Variants in DYM observed in about 807,000 individuals in gnomAD.
DYM encodes dyggve-Melchior-Clausen syndrome protein.
A neutral mutation model predicts 93.1 loss-of-function variants in DYM; 78 were observed. That is an observed-to-expected ratio of 0.84 (90% CI 0.70 to 1.01). The LOEUF (loss-of-function observed/expected upper bound fraction) is 1.01, where lower values mean the gene tolerates loss of function less well. Ranked by LOEUF, DYM falls within the 50% of genes least tolerant of loss-of-function variation. The probability of loss-of-function intolerance (pLI) is 0.00; values close to 1 mark genes in which losing one functional copy is unlikely to be tolerated. For synonymous variants in DYM, 321 were observed against 319.7 expected, an observed-to-expected ratio of 1.00 and a Z score of -0.04; for missense variants, 789 against 845.0, an observed-to-expected ratio of 0.93 and a Z score of 0.82.
chr18:49,417,389 AT>A (rs1381128598), intron 2 of DYM, among the ~76,000 whole-genome samples: 1 of 152,080 alleles, frequency 6.6e-6, no homozygotes, highest in Non-Finnish European at 1.5e-5. Context: ...GTCTCAAAAG[AT>A]CCTCCTGCCT....
chr18:49,214,003 C>T (rs1055993982), intron 13 of DYM, among the ~76,000 whole-genome samples: 1 of 152,198 alleles, frequency 6.6e-6, no homozygotes, highest in Admixed American at 6.5e-5. Context: ...GACAACATTA[C>T]TCTTATAGTA....
chr18:49,296,558 T>C (rs2060575440), intron 8 of DYM, among the ~76,000 whole-genome samples: 1 of 151,982 alleles, frequency 6.6e-6, no homozygotes, highest in Non-Finnish European at 1.5e-5. Flanking sequence ...AGTCAGTTTG[T>C]CGGGGGGAAT....
At chr18:49,169,179 A>G (rs1943000) in intron 14 of DYM, among the ~76,000 whole-genome samples, 117,324 of 152,178 alleles carry the variant, frequency 0.77, 45,387 homozygotes, top group Non-Finnish European at 0.81. Context: ...AGTCAGGTGA[A>G]AAAGGACGTG....
chr18:49,346,006 C>T (rs930096022), intron 6 of DYM, among the ~76,000 whole-genome samples: 1 of 152,128 alleles, frequency 6.6e-6, no homozygotes, highest in Non-Finnish European at 1.5e-5. Context: ...TGTGGAGAAA[C>T]TGAAACCCTC....
At chr18:49,431,653 G>A (rs564372277) in intron 1 of DYM, 1 of 152,238 alleles carries the variant, frequency 6.6e-6, no homozygotes, top group Middle Eastern at 3.4e-3. Context: ...ACAATGAAAG[G>A]AAACTACATG....
At chr18:49,140,435 G>A (rs1414572043) in intron 15 of DYM, among the ~76,000 whole-genome samples, 1 of 152,128 alleles carries the variant, frequency 6.6e-6, no homozygotes, top group Non-Finnish European at 1.5e-5. Context: ...CAATCTCATG[G>A]AAATAATTCC....
At chr18:49,271,473 G>A (rs1283904758) in intron 11 of DYM, among the ~76,000 whole-genome samples, 2 of 152,090 alleles carry the variant, frequency 1.3e-5, no homozygotes, top group South Asian at 2.1e-4. Context: ...ATCTTAGGGC[G>A]ATAATAGTTA....
chr18:49,140,419 A>G (rs1341529688), intron 15 of DYM, among the ~76,000 whole-genome samples: 1 of 152,322 alleles, frequency 6.6e-6, no homozygotes, highest in East Asian at 1.9e-4. Context: ...ACTTAAATAC[A>G]TCCTGCAATC....
chr18:49,108,656 A>T (rs1188437473), intron 16 of DYM, among the ~76,000 whole-genome samples: 3 of 152,184 alleles, frequency 2.0e-5, no homozygotes, highest in African/African-American at 7.2e-5. Context: ...GGCCCCATAC[A>T]TGGTCTCTCT....
intron 13 of DYM, among the ~76,000 whole-genome samples, chr18:49,230,458 A>G (rs899082049): frequency 9.2e-5 from 14 of 152,166 alleles, no homozygotes; most frequent in African/African-American, 3.4e-4. Flanking sequence ...TCAAAAAAGA[A>G]CTACTATCAG....
chr18:49,367,143 A>G (rs984225508), intron 5 of DYM, among the ~76,000 whole-genome samples: 1 of 152,226 alleles, frequency 6.6e-6, no homozygotes, highest in African/African-American at 2.4e-5. Flanking sequence ...TAAAGATGAC[A>G]CACTATGTAT....
At chr18:49,092,743 A>G (rs1427030463) in intron 17 of DYM, among the ~76,000 whole-genome samples, 5 of 152,226 alleles carry the variant, frequency 3.3e-5, no homozygotes, top group Non-Finnish European at 5.9e-5. Flanking sequence ...GGGTGCATAC[A>G]TCCTGAGAAG....
chr18:49,223,133 A>G (rs1434525815), intron 13 of DYM, among the ~76,000 whole-genome samples: 1 of 152,148 alleles, frequency 6.6e-6, no homozygotes, highest in Non-Finnish European at 1.5e-5. Flanking sequence ...GAGGGAACAA[A>G]TTGAAGGACA....
At chr18:49,280,437 G>A (rs748876061) in intron 10 of DYM, among the ~76,000 whole-genome samples, 1 of 152,144 alleles carries the variant, frequency 6.6e-6, no homozygotes, top group Non-Finnish European at 1.5e-5. Flanking sequence ...ATTCTCATCA[G>A]GAATATTCTG....
intron 17 of DYM, among the ~76,000 whole-genome samples, chr18:49,074,435 G>A (rs763032458): frequency 6.6e-6 from 1 of 152,124 alleles, no homozygotes; most frequent in Non-Finnish European, 1.5e-5. Flanking sequence ...TCTATGGCGG[G>A]TGTTTTGGGG....
intron 2 of DYM, among the ~76,000 whole-genome samples, chr18:49,404,100 C>T (rs1401386549): frequency 2.6e-5 from 4 of 152,068 alleles, no homozygotes; most frequent in African/African-American, 9.7e-5. Context: ...CTCCGCCTCC[C>T]GGATTCAAGC....
chr18:49,440,459 TATATA>T lies in DYM; in HGVS notation c.-53-10017_-53-10013del, dbSNP rs1440027687. The stretch of plus-strand genomic sequence containing the variant: ...GTAAAGTGACTATATATTATATATT[TATATA>T]ATATATGACTATATATTATATATTT... On this transcript the variant is annotated intron_variant, in intron 1 of 17. Coordinates refer to ENST00000675505, the MANE Select transcript of DYM (RefSeq NM_001353214.3). 2.4e-4 allele frequency among the ~76,000 whole-genome samples: 24 copies of T among 99,584 alleles called. 1 individual carries two copies. In the East Asian group the frequency reaches 4.6e-3, roughly 19 times the overall value. The allele number at this position is 99,584 out of a possible 152,430, so 65.3% of individuals were successfully genotyped here.
chr18:49,358,468 T>C (rs1226361787), intron 6 of DYM, among the ~76,000 whole-genome samples: 1 of 152,142 alleles, frequency 6.6e-6, no homozygotes, highest in Admixed American at 6.5e-5. Flanking sequence ...CAAGTCACAG[T>C]ACACAAATAG....
chr18:49,233,104 G>A (rs1302889763), intron 13 of DYM, among the ~76,000 whole-genome samples: 1 of 152,054 alleles, frequency 6.6e-6, no homozygotes, highest in African/African-American at 2.4e-5. Flanking sequence ...GCTCACGCCT[G>A]TAATCCCAGC....
Sources: gnomAD v4.1 joint callset for allele counts (sites outside exome capture counted in the v4.1 genomes callset) on GRCh38, gnomAD v4.1.1 for gene constraint, MANE v1.5 for transcripts, NCBI Gene and HGNC (gene_info 2026-07-23, HGNC 2026-07-21) for gene names.